RBFOX1: variants seen among roughly 807,000 people sequenced by gnomAD.
The protein encoded by RBFOX1 is RNA binding protein fox-1 homolog 1.
Under a neutral mutation model 57.7 loss-of-function variants are expected in RBFOX1, and 8 were observed. The observed-to-expected ratio is 0.14, with a 90% confidence interval of 0.08 to 0.25. RBFOX1 has a LOEUF of 0.25. Ranked by LOEUF, RBFOX1 falls within the 10% of genes least tolerant of loss-of-function variation. The pLI, the probability that RBFOX1 is intolerant of heterozygous loss-of-function variation, is 1.00. For synonymous variants in RBFOX1, 326 were observed against 222.4 expected (o/e 1.47, Z -4.15); for missense variants, 611 against 548.5 (o/e 1.11, Z -1.14).
chr16:7,351,069 G>C (rs368163744), intron 4 of RBFOX1, among the ~76,000 whole-genome samples: 4 of 152,208 alleles, frequency 2.6e-5, no homozygotes, highest in African/African-American at 9.6e-5. Context: ...TCTTCGGGAT[G>C]GCTGGTTTTC....
intron 4 of RBFOX1, among the ~76,000 whole-genome samples, chr16:7,107,710 A>T (rs1429485875): frequency 6.6e-6 from 1 of 152,138 alleles, no homozygotes; most frequent in African/African-American, 2.4e-5. Flanking sequence ...CTAGAATTTT[A>T]TATAAATGGA....
intron 5 of RBFOX1, among the ~76,000 whole-genome samples, chr16:7,550,514 C>A (rs2086028800): frequency 6.6e-6 from 1 of 152,038 alleles, no homozygotes; most frequent in Non-Finnish European, 1.5e-5. Context: ...AATAAAACGA[C>A]CAAATTATTA....
intron 3 of RBFOX1, among the ~76,000 whole-genome samples, chr16:6,897,523 G>A (rs1436171830): frequency 1.3e-5 from 2 of 152,268 alleles, no homozygotes; most frequent in African/African-American, 4.8e-5. Flanking sequence ...GTTGGGTGCA[G>A]TGGCTCACGC....
chr16:5,767,332 A>G (rs28441686), intron 3 of RBFOX1, among the ~76,000 whole-genome samples: 2,264 of 152,336 alleles, frequency 0.015, 56 homozygotes, highest in African/African-American at 0.05. Context: ...TGGTCCATCT[A>G]GGTCAAGATG....
intron 4 of RBFOX1, among the ~76,000 whole-genome samples, chr16:7,345,841 A>G (rs1443896943): frequency 6.6e-6 from 1 of 151,634 alleles, no homozygotes; most frequent in South Asian, 2.1e-4. Context: ...TTTTATTTTT[A>G]TTATACTTTA....
intron 11 of RBFOX1, among the ~76,000 whole-genome samples, chr16:7,653,235 C>G (rs1309508535): frequency 6.6e-6 from 1 of 152,106 alleles, no homozygotes; most frequent in Non-Finnish European, 1.5e-5. Flanking sequence ...CGTGGTTGGT[C>G]CATAACTGTA....
intron 2 of RBFOX1, among the ~76,000 whole-genome samples, chr16:6,584,495 G>C (rs1247698692): frequency 6.6e-6 from 1 of 151,690 alleles, no homozygotes; most frequent in Non-Finnish European, 1.5e-5. Context: ...AGCCTCCCAA[G>C]TTGCTGGGAT....
intron 4 of RBFOX1, among the ~76,000 whole-genome samples, chr16:7,253,041 C>G (rs962323034): frequency 6.6e-6 from 1 of 152,162 alleles, no homozygotes; most frequent in Non-Finnish European, 1.5e-5. Flanking sequence ...TGTTCTGCAT[C>G]TTTTCCATCT....
intron 5 of RBFOX1, among the ~76,000 whole-genome samples, chr16:7,548,681 T>G (rs1362776140): frequency 3.9e-5 from 6 of 152,198 alleles, no homozygotes; most frequent in Non-Finnish European, 8.8e-5. Flanking sequence ...CCAGCCAGTT[T>G]CGGCTGCTGT....
chr16:7,660,429 C>T (rs890832179), intron 12 of RBFOX1, among the ~76,000 whole-genome samples: 5 of 152,110 alleles, frequency 3.3e-5, no homozygotes, highest in Admixed American at 3.3e-4. Context: ...TATAGCTGCA[C>T]CGCAGACATG....
chr16:7,362,715 G>C (rs770991318), intron 4 of RBFOX1, among the ~76,000 whole-genome samples: 2 of 152,132 alleles, frequency 1.3e-5, no homozygotes, highest in East Asian at 1.9e-4. Flanking sequence ...ATGCATGCTA[G>C]TGTGTGCATG....
At chr16:7,138,373 C>T (rs2072641964) in intron 4 of RBFOX1, among the ~76,000 whole-genome samples, 1 of 152,156 alleles carries the variant, frequency 6.6e-6, no homozygotes, top group South Asian at 2.1e-4. Flanking sequence ...TTGGCTTTGG[C>T]ACTATGTCAC....
At chr16:7,383,737 G>T (rs1015463217) in intron 4 of RBFOX1, among the ~76,000 whole-genome samples, 1 of 152,136 alleles carries the variant, frequency 6.6e-6, no homozygotes, top group South Asian at 2.1e-4. Context: ...TCAGATCCAA[G>T]TTACATCATA....
chr16:5,620,453 C>G (rs948425056), intron 3 of RBFOX1, among the ~76,000 whole-genome samples: 3 of 152,178 alleles, frequency 2.0e-5, no homozygotes, highest in African/African-American at 7.2e-5. Context: ...CCAGACTGAT[C>G]GCTTCAACCG....
At chr16:5,350,561 C>T (rs1300741910) in intron 1 of RBFOX1, among the ~76,000 whole-genome samples, 1 of 152,140 alleles carries the variant, frequency 6.6e-6, no homozygotes, top group Non-Finnish European at 1.5e-5. Flanking sequence ...GAGCCTCAGT[C>T]CTCCTTTAAA....
intron 4 of RBFOX1, among the ~76,000 whole-genome samples, chr16:7,082,665 G>C (rs146122660): frequency 0.011 from 1,631 of 152,268 alleles, 15 homozygotes; most frequent in Non-Finnish European, 0.016. Flanking sequence ...TAACACAACT[G>C]TTTAATGAAG....
intron 1 of RBFOX1, among the ~76,000 whole-genome samples, chr16:6,312,607 G>A (rs1167426242): frequency 6.6e-6 from 1 of 152,126 alleles, no homozygotes; most frequent in Non-Finnish European, 1.5e-5. Context: ...GGGAGGCTGA[G>A]TGTGTCTAAA....
At position 6,615,250 on chromosome 16, in the gene RBFOX1, A is replaced by G. The variant is rs560376775; in HGVS notation, c.-63-39353A>G. Among the ~76,000 whole-genome samples, 15 of 152,360 alleles carry G rather than the reference A, an allele frequency of 9.8e-5. No individual in the cohort carries two copies. The South Asian group carries it at 3.1e-3, about 32-fold the overall frequency. On this transcript the variant is annotated intron_variant, in intron 2 of 15. Transcript: ENST00000550418. ...GAGAACTTCCCAGTGGATTTAGACT[A>G]GAATCTCATTCACTGGTGCTAATAA...
chr16:5,382,349 C>T (rs1018333917), intron 1 of RBFOX1, among the ~76,000 whole-genome samples: 1 of 151,926 alleles, frequency 6.6e-6, no homozygotes, highest in Non-Finnish European at 1.5e-5. Flanking sequence ...TTATGTATTA[C>T]CACTTGTTTG....
Sources: gnomAD v4.1 joint callset for allele counts (sites outside exome capture counted in the v4.1 genomes callset) on GRCh38, gnomAD v4.1.1 for gene constraint, MANE v1.5 for transcripts, NCBI Gene and HGNC (gene_info 2026-07-23, HGNC 2026-07-21) for gene names.